The following ARHGAP32 variants were observed in gnomAD, a reference collection of about 807,000 sequenced individuals.
ARHGAP32 encodes the protein rho GTPase-activating protein 32.
ARHGAP32 carries 51 observed loss-of-function variants against 186.5 expected under a neutral mutation model. That is an observed-to-expected ratio of 0.27 (90% confidence interval 0.22 to 0.35). ARHGAP32 has a LOEUF of 0.35. Among genes scored for constraint, ARHGAP32 ranks in the 10% least tolerant of loss-of-function variants. The pLI, the probability that ARHGAP32 is intolerant of heterozygous loss-of-function variation, is 1.00. For missense variants in ARHGAP32, 2,186 were observed against 2,623.5 expected (o/e 0.83, Z 3.64); for synonymous variants, 950 against 964.3 (o/e 0.99, Z 0.27).
chr11:129,040,792 A>G lies in ARHGAP32; in HGVS notation c.1045+136T>C. 1.2e-5 allele frequency: 7 copies of G among 607,600 alleles called. No individual in the cohort carries two copies. The South Asian group carries it at 1.2e-4, about 10-fold the overall frequency. 37.6% of individuals were successfully genotyped at this position (607,600 alleles called of 1,614,324 possible). ...AAGAATACATTTAAAAATCAAAACC[A>G]TATAAAATTAAGAATGTTAATTATT... On this transcript the variant is annotated intron_variant, in intron 11 of 22. Transcript: ENST00000682385.
At chr11:129,183,612 G>T (rs1944098696) in intron 1 of ARHGAP32, among the ~76,000 whole-genome samples, 1 of 151,990 alleles carries the variant, frequency 6.6e-6, no homozygotes, top group Admixed American at 6.6e-5. Context: ...ACTAGTTATT[G>T]TTTGATATAC....
intron 1 of ARHGAP32, among the ~76,000 whole-genome samples, chr11:129,276,351 A>G (rs1945530943): frequency 6.6e-6 from 1 of 152,186 alleles, no homozygotes; most frequent in Non-Finnish European, 1.5e-5. Context: ...ACCAGGCTCA[A>G]GGGCAGTGGC....
At chr11:129,017,327 A>G (rs916693988) in intron 11 of ARHGAP32, among the ~76,000 whole-genome samples, 2 of 151,686 alleles carry the variant, frequency 1.3e-5, no homozygotes, top group East Asian at 1.9e-4. Flanking sequence ...GGTGGCGGGC[A>G]CCTGTAATCG....
chr11:129,221,373 C>T (rs1003372898), intron 1 of ARHGAP32, among the ~76,000 whole-genome samples: 2 of 151,954 alleles, frequency 1.3e-5, no homozygotes, highest in African/African-American at 4.8e-5. Context: ...AGAAATCAGA[C>T]AATGAACTAG....
intron 5 of ARHGAP32, among the ~76,000 whole-genome samples, chr11:129,105,257 T>C (rs964460846): frequency 6.6e-6 from 1 of 152,114 alleles, no homozygotes; most frequent in African/African-American, 2.4e-5. Context: ...CAAAAGTGCC[T>C]GGGTATATGG....
At chr11:129,077,343 G>A (rs1305355819) in intron 6 of ARHGAP32, among the ~76,000 whole-genome samples, 1 of 152,192 alleles carries the variant, frequency 6.6e-6, no homozygotes, top group Non-Finnish European at 1.5e-5. Flanking sequence ...AGGTAGATGG[G>A]GAGGGGTGAA....
chr11:129,224,372 C>T (rs551698169), intron 1 of ARHGAP32, among the ~76,000 whole-genome samples: 32 of 152,258 alleles, frequency 2.1e-4, no homozygotes, highest in Non-Finnish European at 4.3e-4. Context: ...GTTTAAGTAA[C>T]AGCCATAAGA....
intron 10 of ARHGAP32, among the ~76,000 whole-genome samples, chr11:129,059,056 T>G (rs1236514091): frequency 6.6e-6 from 1 of 152,224 alleles, no homozygotes; most frequent in Non-Finnish European, 1.5e-5. Flanking sequence ...ATCTTTACAC[T>G]ATATTTCTTG....
At chr11:129,203,149 A>G (rs954701235) in intron 1 of ARHGAP32, 2 of 152,226 alleles carry the variant, frequency 1.3e-5, no homozygotes, top group African/African-American at 4.8e-5. Context: ...GACTCAACAA[A>G]TAACAAAAAC....
intron 6 of ARHGAP32, among the ~76,000 whole-genome samples, chr11:129,091,086 G>C (rs1941565773): frequency 6.6e-6 from 1 of 152,116 alleles, no homozygotes; most frequent in Non-Finnish European, 1.5e-5. Context: ...TACTATGAAA[G>C]GGAGGGAGTT....
At chr11:128,980,481 A>G (rs1443573009) in intron 18 of ARHGAP32, 72 bp downstream of exon 18, 5 of 1,266,998 alleles carry the variant, frequency 3.9e-6, no homozygotes, top group Non-Finnish European at 5.4e-6. Flanking sequence ...CAAAATTAAA[A>G]GCAAACTAAA....
At chr11:129,159,527 G>A (rs768060906) in intron 2 of ARHGAP32, among the ~76,000 whole-genome samples, 83 of 151,804 alleles carry the variant, frequency 5.5e-4, no homozygotes, top group Admixed American at 3.0e-3. Flanking sequence ...GGAAGAAGTC[G>A]AATCCCTGAA....
At chr11:129,248,108 C>G (rs1199672671) in intron 1 of ARHGAP32, among the ~76,000 whole-genome samples, 1 of 151,008 alleles carries the variant, frequency 6.6e-6, no homozygotes, top group Non-Finnish European at 1.5e-5. Context: ...GTCAGGAGAT[C>G]GAGACCATCC....
At chr11:128,980,510 G>T in intron 18 of ARHGAP32, 43 bp downstream of exon 18, 1 of 1,462,008 alleles carries the variant, frequency 6.8e-7, no homozygotes, top group Non-Finnish European at 9.4e-7. Context: ...ATAGGACATA[G>T]CTATGAAAAT....
At chr11:129,091,665 T>C (rs1941581239) in intron 6 of ARHGAP32, among the ~76,000 whole-genome samples, 1 of 152,050 alleles carries the variant, frequency 6.6e-6, no homozygotes, top group Non-Finnish European at 1.5e-5. Context: ...CATCAGTGTA[T>C]AATGGTGGTC....
At chr11:129,213,479 C>A (rs1486320810) in intron 1 of ARHGAP32, among the ~76,000 whole-genome samples, 1 of 152,146 alleles carries the variant, frequency 6.6e-6, no homozygotes, top group Non-Finnish European at 1.5e-5. Flanking sequence ...AGAAAAGTCA[C>A]TGATACATGA....
intron 5 of ARHGAP32, among the ~76,000 whole-genome samples, chr11:129,114,500 A>C (rs1942311487): frequency 6.6e-6 from 1 of 152,148 alleles, no homozygotes; most frequent in African/African-American, 2.4e-5. Context: ...GCTAGCACAT[A>C]CAAGATATTC....
At chr11:129,177,080 C>T (rs866657819) in intron 1 of ARHGAP32, among the ~76,000 whole-genome samples, 35 of 149,324 alleles carry the variant, frequency 2.3e-4, no homozygotes, top group South Asian at 6.4e-4. Context: ...ATCAAATAGA[C>T]GCAATAAAAA....
chr11:129,027,571 C>T (rs745332190), intron 11 of ARHGAP32, among the ~76,000 whole-genome samples: 5 of 152,166 alleles, frequency 3.3e-5, no homozygotes, highest in African/African-American at 7.2e-5. Context: ...CCTGCTGTTC[C>T]GTCTTTGGAA....
Sources: allele counts gnomAD v4.1 joint callset (sites outside exome capture counted in the v4.1 genomes callset), GRCh38; gene constraint gnomAD v4.1.1; transcripts MANE v1.5; gene names NCBI Gene and HGNC (gene_info 2026-07-23, HGNC 2026-07-21).